BAIAP3: variants seen among roughly 807,000 people sequenced by gnomAD.
The protein encoded by BAIAP3 is BAI1-associated protein 3.
A neutral mutation model predicts 149.7 loss-of-function variants in BAIAP3; 180 were observed. That is an observed-to-expected ratio of 1.20 (90% CI 1.07 to 1.36). The LOEUF is 1.36. Ranked by LOEUF, BAIAP3 falls within the 40% of genes most tolerant of loss-of-function variation. BAIAP3 has a pLI of 0.00. For synonymous variants in BAIAP3, 845 were observed against 670.7 expected (o/e 1.26, Z -4.02); for missense variants, 1,767 against 1,563.4 (o/e 1.13, Z -2.20).
Position 1,340,930 on chromosome 16 carries a change from C to A in BAIAP3, c.417C>A (p.Gly139=). 1 of 1,573,768 alleles carries A rather than the reference C, an allele frequency of 6.4e-7. No individual in the cohort carries two copies. The change falls in exon 6 of 34, where the codon GGC becomes GGA. Residue 139 remains glycine (G), a synonymous_variant. Coordinates refer to ENST00000426824, the MANE Select transcript of BAIAP3 (RefSeq NM_001199097.2). ...ALLSYLQQVF[G]TSLEEHTEAI... is the part of the protein sequence containing the mutation. ...CCAGCCACCCTCCACAGGTGTTTGG[C>A]ACCAGCCTTGAGGAGCACACTGAGG...
intron 17 of BAIAP3, 22 bp from the exon 18 acceptor site, chr16:1,344,442 ATGCTG>A (rs1567167453): frequency 6.2e-7 from 1 of 1,611,284 alleles, no homozygotes; most frequent in Non-Finnish European, 8.5e-7. Flanking sequence ...GCAATCCACC[ATGCTG>A]TCTTGGTGGT....
In BAIAP3 at chr16:1,339,136, G is replaced by C. The variant is rs780097253; in HGVS notation, c.220-28G>C. ...AGGCCTGGGGCTCTCCCTGCCGTCA[G>C]AGCCCTCACCCTGGGCCCCACACAC... On this transcript the variant is annotated intron_variant, in intron 3 of 33. Transcript: ENST00000426824. The C allele has an allele frequency of 2.5e-6, 4 of 1,569,240 alleles. No homozygotes were observed. In the South Asian group the frequency reaches 4.6e-5, roughly 18 times the overall value.
chr16:1,333,890 G>A (rs1365556956), intron 1 of BAIAP3, 141 bp downstream of exon 1: 2 of 152,066 alleles, frequency 1.3e-5, no homozygotes, highest in African/African-American at 4.8e-5. Context: ...GAGGCGGGGG[G>A]CGGTGGGAAG....
At position 1,344,089 on chromosome 16, in the gene BAIAP3, G is replaced by C; in HGVS notation, c.1454G>C (p.Arg485Pro). Residue 485 changes from arginine to proline, a missense_variant, in exon 16 of 34, where the codon CGA becomes CCA. By Grantham distance (103) the Arg-to-Pro change is moderately radical. Coordinates refer to ENST00000426824, the MANE Select transcript of BAIAP3 (RefSeq NM_001199097.2). ...EFGLQLLRQL[R>P]DYFPATNSTA... ...GGGCTGCAGCTGCTGCGCCAGCTCC[G>C]AGACTACTTCCCTGCCACCAACAGC... 1 of 1,612,164 alleles carries C rather than the reference G, an allele frequency of 6.2e-7. No individual in the cohort carries two copies. The highest frequency in any genetic ancestry group is 8.5e-7 in the Non-Finnish European group (1 of 1,179,894).
chr16:1,345,330 C>T lies in BAIAP3; in HGVS notation c.2022C>T (p.Asp674=), dbSNP rs144507024. 9.0e-4 allele frequency: 1,449 copies of T among 1,613,050 alleles called. 4 individuals are homozygous for T. The highest frequency in any genetic ancestry group is 2.0e-3 in the Middle Eastern group (12 of 6,060). The part of the protein sequence containing the change: ...AVKLWFQVLR[D]QAKWRLQGAV... The stretch of plus-strand genomic sequence containing the variant: ...AGCTCTGGTTCCAAGTGCTGAGGGA[C>T]CAGGCCAAGTGGAGGCTTCAGGGAG... The change falls in exon 22 of 34, where the codon GAC becomes GAT. Residue 674 remains aspartate, a synonymous_variant. Coordinates refer to ENST00000426824, the MANE Select transcript of BAIAP3 (RefSeq NM_001199097.2).
At chr16:1,341,793 C>T in intron 8 of BAIAP3, 29 bp from the exon 9 acceptor site, 1 of 1,607,278 alleles carries the variant, frequency 6.2e-7, no homozygotes, top group Non-Finnish European at 8.5e-7. Flanking sequence ...CGCCGGGGAC[C>T]CTCATGGGCA....
rs1291044757 is a variant in BAIAP3, at chr16:1,342,206, G to C, written c.880G>C (p.Ala294Pro). 1 of 1,609,030 alleles carries C rather than the reference G, an allele frequency of 6.2e-7. No individual in the cohort carries two copies. Among genetic ancestry groups the C allele is most frequent in the Non-Finnish European group, 8.5e-7 (1 of 1,177,200 alleles). Reference sequence around the variant, plus strand: ...GTACTTCAAACAGATCGTCAAGTCAGCCCGCGCAAACGGGACAGCAGGACC... The same window carrying C: ...GTACTTCAAACAGATCGTCAAGTCACCCCGCGCAAACGGGACAGCAGGACC... ...GRYFKQIVKS[A>P]RANGTAGPTE... The change falls in exon 11 of 34, where the codon GCC becomes CCC. Residue 294 changes from alanine to proline, a missense_variant. Physicochemically the swap from Ala to Pro is conservative, Grantham distance 27. Transcript: ENST00000426824.
At chr16:1,347,414 T>C (rs766369504) in intron 29 of BAIAP3, 45 bp downstream of exon 29, 56 of 1,605,988 alleles carry the variant, frequency 3.5e-5, no homozygotes, top group Non-Finnish European at 4.6e-5. Flanking sequence ...ATGAGGGGAC[T>C]GAGTTCAAAC....
Position 1,336,143 on chromosome 16 carries a change from A to G in BAIAP3, c.-11+2394A>G, listed in dbSNP as rs1169606309. The G allele has an allele frequency of 3.2e-6, 3 of 926,146 alleles. No homozygotes were observed. The East Asian group carries it at 3.5e-4, about 108-fold the overall frequency. The allele number at this position is 926,146 out of a possible 1,614,324, so 57.4% of individuals were successfully genotyped here. ...ACTGCGAGCCCCCATCGCCCCTGTC[A>G]CACGCACATGCCGCGGCGGTTGCCC... On this transcript the variant is annotated intron_variant, in intron 1 of 33. Coordinates refer to ENST00000426824, the MANE Select transcript of BAIAP3 (RefSeq NM_001199097.2).
chr16:1,340,790 G>T, intron 5 of BAIAP3, 132 bp from the exon 6 acceptor site: 2 of 959,870 alleles, frequency 2.1e-6, no homozygotes, highest in Non-Finnish European at 3.2e-6. Context: ...TGCCTCCCAG[G>T]CTTCCCCCAA....
At position 1,344,285 on chromosome 16, in the gene BAIAP3, G is replaced by A. The variant is rs1217907838; in HGVS notation, c.1570G>A (p.Glu524Lys). ...CTTTGAGATCTGCCCCTTCGAGTCG[G>A]AGCTGAACATGGACATTGCTGCGGC... ...PSFEICPFES[E>K]LNMDIAAALK... The change falls in exon 17 of 34, where the codon GAG (glutamate) becomes AAG (lysine). Residue 524 changes from glutamate (E) to lysine (K), a missense_variant. Physicochemically the swap from Glu to Lys is moderately conservative, Grantham distance 56. Coordinates refer to ENST00000426824, the MANE Select transcript of BAIAP3 (RefSeq NM_001199097.2). The A allele has an allele frequency of 2.5e-6, 4 of 1,613,806 alleles. No individual in the cohort carries two copies. In the African/African-American group the frequency reaches 5.3e-5, roughly 22 times the overall value.
Position 1,334,872 on chromosome 16 carries a change from G to A in BAIAP3, c.-11+1123G>A, listed in dbSNP as rs886373096. On this transcript the variant is annotated intron_variant, in intron 1 of 33. Coordinates refer to ENST00000426824, the MANE Select transcript of BAIAP3 (RefSeq NM_001199097.2). ...GAGAAGACCAAGAGGGCAGCGTGGA[G>A]AGCCAGCCTGTGGGGCAGATGTCCT... 3.0e-6 allele frequency: 3 copies of A among 1,010,622 alleles called. No individual in the cohort carries two copies. The African/African-American group carries it at 4.8e-5, about 16-fold the overall frequency. 62.6% of individuals were successfully genotyped at this position (1,010,622 alleles called of 1,614,324 possible). A position where few individuals can be genotyped will look rare whatever the true frequency, so the allele number is the denominator to read the frequency against.
chr16:1,347,243 T>C, intron 28 of BAIAP3, 55 bp from the exon 29 acceptor site: 2 of 1,562,224 alleles, frequency 1.3e-6, no homozygotes, highest in East Asian at 4.6e-5. Context: ...GGTCTCTACC[T>C]GTCCCCAGCA....
In BAIAP3 at chr16:1,345,250, G is replaced by A. The variant is rs747262689; in HGVS notation, c.1942G>A (p.Asp648Asn). Residue 648 changes from aspartate (D) to asparagine (N), a missense_variant and splice_region_variant, in exon 22 of 34, where the codon GAC becomes AAC. Physicochemically the swap from Asp to Asn is conservative, Grantham distance 23. Coordinates refer to ENST00000426824, the MANE Select transcript of BAIAP3 (RefSeq NM_001199097.2). ...QRFWDSIPGR[D>N]SRSLALAGIH... ...GCCCTCACAACCCTCCCACCACAGG[G>A]ACAGCCGCTCTCTGGCCCTGGCTGG... 178 of 1,612,798 alleles carry A rather than the reference G, an allele frequency of 1.1e-4. No homozygotes were observed. The highest frequency in any genetic ancestry group is 1.4e-4 in the Non-Finnish European group (162 of 1,179,822).
In BAIAP3 at chr16:1,346,284, C is replaced by G. The variant is rs182653453; in HGVS notation, c.2416C>G (p.Leu806Val). 68 of 1,607,920 alleles carry G rather than the reference C, an allele frequency of 4.2e-5. No individual in the cohort carries two copies. The Admixed American group carries it at 1.1e-3, about 27-fold the overall frequency. Residue 806 changes from leucine to valine, a missense_variant, in exon 25 of 34, where the codon CTG becomes GTG. Coordinates refer to ENST00000426824, the MANE Select transcript of BAIAP3 (RefSeq NM_001199097.2). ...GCCCGAGGGGGTGCTCCCCCGCCCT[C>G]TGCTCAGCTGCACACAGGCCCTGGA... ...TGPEGVLPRPLLSCTQALDDD... is the reference protein window; with the variant it reads ...TGPEGVLPRPVLSCTQALDDD...
At position 1,346,893 on chromosome 16, in the gene BAIAP3, G is replaced by A. The variant is rs771981859; in HGVS notation, c.2689G>A (p.Ala897Thr). The A allele has an allele frequency of 1.7e-5, 28 of 1,610,276 alleles. No homozygotes were observed. In the East Asian group the frequency reaches 4.2e-4, roughly 24 times the overall value. ...WELLLQAILQ[A>T]LGANRDVSAD... ...GCTACTCCTCCAGGCCATTCTGCAGGCGCTGGGTGCAAACCGTGACGTCTC... is the reference window on the plus strand; with the variant it reads ...GCTACTCCTCCAGGCCATTCTGCAGACGCTGGGTGCAAACCGTGACGTCTC... The change falls in exon 28 of 34, where the codon GCG becomes ACG. Residue 897 changes from alanine to threonine, a missense_variant. Physicochemically the swap from Ala to Thr is moderately conservative, Grantham distance 58 (BLOSUM62 0). Transcript: ENST00000426824.
At position 1,348,004 on chromosome 16, in the gene BAIAP3, GA is replaced by G; in HGVS notation, c.3138del (p.Glu1046AspfsTer42). 6.2e-7 allele frequency: 1 copy of G among 1,609,200 alleles called. No homozygotes were observed. Among genetic ancestry groups the G allele is most frequent in the East Asian group, 2.2e-5 (1 of 44,868 alleles). ...KTRTLHPVYD[E>X]LFYFSVPAEA... ...CCGGACGCTGCACCCTGTATACGAC[GA>G]ACTCTTCTACTTGTGAGTGTCCTAA... On this transcript the variant is annotated frameshift_variant, in exon 32 of 34. Transcript: ENST00000426824. LOFTEE classifies it high-confidence loss of function.
chr16:1,348,641 C>T lies in BAIAP3; in HGVS notation c.*159C>T. On this transcript the variant is annotated 3_prime_UTR_variant, in exon 34 of 34. Coordinates refer to ENST00000426824, the MANE Select transcript of BAIAP3 (RefSeq NM_001199097.2). ...GGCCCCGCGGCGCCTACCGCCCTGG[C>T]CGTGTCTGTCTGGTGTGTGCTGTGA... 4.2e-6 allele frequency: 3 copies of T among 712,996 alleles called. No individual in the cohort carries two copies. The highest frequency in any genetic ancestry group is 7.1e-6 in the Non-Finnish European group (3 of 424,148). 44.2% of individuals were successfully genotyped at this position (712,996 alleles called of 1,614,324 possible).
intron 1 of BAIAP3, chr16:1,336,125 G>A: frequency 1.3e-6 from 1 of 775,866 alleles, no homozygotes; most frequent in Non-Finnish European, 1.6e-6. Context: ...AGGACTGCGA[G>A]CCCCCATCGC....
Sources: allele counts gnomAD v4.1 joint callset, GRCh38; gene constraint gnomAD v4.1.1; transcripts MANE v1.5; gene names NCBI Gene and HGNC (gene_info 2026-07-23, HGNC 2026-07-21).